UQCC1: variants seen among roughly 807,000 people sequenced by gnomAD.
The protein encoded by UQCC1 is ubiquinol-cytochrome c reductase complex assembly factor 1, also known as bFGF-repressed Zic-binding protein.
In UQCC1, 38 loss-of-function variants were observed where a neutral mutation model predicts 48.0. That is an observed-to-expected ratio of 0.79 (90% CI 0.61 to 1.04). The LOEUF (loss-of-function observed/expected upper bound fraction) is 1.04. Among genes scored for constraint, UQCC1 ranks in the 50% least tolerant of loss-of-function variants. The pLI, the probability that UQCC1 is intolerant of heterozygous loss-of-function variation, is 0.00. For synonymous variants in UQCC1, 111 were observed against 129.2 expected (o/e 0.86, Z 0.95); for missense variants, 368 against 381.8 (o/e 0.96, Z 0.30).
At chr20:35,343,773 G>A (rs1405135887) in intron 7 of UQCC1, among the ~76,000 whole-genome samples, 2 of 152,220 alleles carry the variant, frequency 1.3e-5, no homozygotes, top group Admixed American at 6.5e-5. Context: ...CCCACCCTGC[G>A]TCACTAGCAA....
At chr20:35,342,232 C>T (rs2061388553) in intron 7 of UQCC1, among the ~76,000 whole-genome samples, 1 of 152,180 alleles carries the variant, frequency 6.6e-6, no homozygotes, top group Non-Finnish European at 1.5e-5. Flanking sequence ...CAGCCCACTC[C>T]CATCCCTTCC....
At chr20:35,382,512 CTTTT>C (rs1162371421) in intron 3 of UQCC1, among the ~76,000 whole-genome samples, 1 of 108,280 alleles carries the variant, frequency 9.2e-6, no homozygotes, top group Non-Finnish European at 1.9e-5. Context: ...TTTCTTTTTT[CTTTT>C]TTTTTTTTTT....
chr20:35,405,093 T>C (rs2062231727), intron 1 of UQCC1, among the ~76,000 whole-genome samples: 1 of 152,144 alleles, frequency 6.6e-6, no homozygotes, highest in Non-Finnish European at 1.5e-5. Context: ...GAAGTGAAAG[T>C]TAAGGCAGAG....
At chr20:35,352,768 A>T (rs1219320128) in intron 6 of UQCC1, among the ~76,000 whole-genome samples, 1 of 152,102 alleles carries the variant, frequency 6.6e-6, no homozygotes, top group Admixed American at 6.5e-5. Context: ...CTGTAACCTC[A>T]AACTCTTGGA....
At chr20:35,323,549 C>A (rs1391757551) in intron 7 of UQCC1, among the ~76,000 whole-genome samples, 1 of 152,154 alleles carries the variant, frequency 6.6e-6, no homozygotes, top group Admixed American at 6.5e-5. Flanking sequence ...AGTCAAAAGT[C>A]TTTGTCTTAC....
chr20:35,389,735 T>TA (rs1377238265), intron 2 of UQCC1, among the ~76,000 whole-genome samples: 2 of 152,102 alleles, frequency 1.3e-5, no homozygotes, highest in Non-Finnish European at 2.9e-5. Context: ...ATGATGGAAA[T>TA]AAAAAATCAT....
chr20:35,381,306 G>A (rs572921822), intron 4 of UQCC1, among the ~76,000 whole-genome samples: 1 of 152,278 alleles, frequency 6.6e-6, no homozygotes, highest in Admixed American at 6.5e-5. Flanking sequence ...CCATCAGAAA[G>A]TAATGCTTCC....
At chr20:35,316,977 C>G (rs1002149789) in intron 7 of UQCC1, among the ~76,000 whole-genome samples, 4 of 148,506 alleles carry the variant, frequency 2.7e-5, no homozygotes, top group African/African-American at 1.0e-4. Flanking sequence ...GCTCTCTTGG[C>G]CAGGCTGTAG....
intron 7 of UQCC1, among the ~76,000 whole-genome samples, chr20:35,332,910 AAAC>A (rs1447977309): frequency 1.9e-4 from 29 of 152,188 alleles, no homozygotes; most frequent in African/African-American, 5.1e-4. Flanking sequence ...CAACCTAATA[AAAC>A]AACAACAAGA....
At chr20:35,349,082 C>T (rs891472976) in intron 6 of UQCC1, among the ~76,000 whole-genome samples, 3 of 152,192 alleles carry the variant, frequency 2.0e-5, no homozygotes, top group Non-Finnish European at 4.4e-5. Flanking sequence ...TATATCCATA[C>T]ACAATTGATC....
intron 7 of UQCC1, 170 bp downstream of exon 7, chr20:35,346,994 G>A: frequency 6.5e-7 from 1 of 1,546,234 alleles, no homozygotes; most frequent in Non-Finnish European, 8.7e-7. Context: ...TATCTGTGGA[G>A]TATTAGTTTC....
chr20:35,411,837 C>A, intron 1 of UQCC1, 103 bp downstream of exon 1: 3 of 1,515,458 alleles, frequency 2.0e-6, no homozygotes, highest in Middle Eastern at 1.7e-4. Context: ...AGCTATAACA[C>A]AGGCTTCCCT....
intron 4 of UQCC1, among the ~76,000 whole-genome samples, chr20:35,376,121 A>G (rs2061796366): frequency 6.6e-6 from 1 of 151,992 alleles, no homozygotes; most frequent in Non-Finnish European, 1.5e-5. Flanking sequence ...CAGCCTGGCC[A>G]ACATGGTGAA....
chr20:35,303,946 C>CAAA lies in UQCC1; in HGVS notation c.888_889insTTT (p.Asp296_Glu297insPhe). ...GAGGGCCCAGCCCATCAAAGTCCCT[C>CAAA]GTCGTTGTAAGTCGGAGAATGGGGC... On this transcript the variant is annotated inframe_insertion, in exon 10 of 10. Coordinates refer to ENST00000374385, the MANE Select transcript of UQCC1 (RefSeq NM_018244.5). 6.2e-7 allele frequency: 1 copy of CAAA among 1,614,196 alleles called. No individual in the cohort carries two copies. The highest frequency in any genetic ancestry group is 2.2e-5 in the East Asian group (1 of 44,874).
At chr20:35,350,391 T>A (rs1225838206) in intron 6 of UQCC1, among the ~76,000 whole-genome samples, 2 of 152,134 alleles carry the variant, frequency 1.3e-5, no homozygotes, top group Non-Finnish European at 2.9e-5. Context: ...GGAACTCGGG[T>A]ATCTGACAGA....
At chr20:35,381,281 TTATAAAA>T (rs1478111766) in intron 4 of UQCC1, among the ~76,000 whole-genome samples, 11 of 152,196 alleles carry the variant, frequency 7.2e-5, no homozygotes, top group Non-Finnish European at 1.5e-4. Context: ...AGAAAATCCC[TTATAAAA>T]TATGGGTCCA....
intron 7 of UQCC1, among the ~76,000 whole-genome samples, chr20:35,340,635 C>T (rs994411908): frequency 6.6e-6 from 1 of 152,166 alleles, no homozygotes; most frequent in Admixed American, 6.5e-5. Flanking sequence ...CAGGCATGTG[C>T]CACCATAACC....
intron 6 of UQCC1, among the ~76,000 whole-genome samples, chr20:35,356,242 G>A (rs1455447320): frequency 6.6e-6 from 1 of 152,184 alleles, no homozygotes; most frequent in Non-Finnish European, 1.5e-5. Flanking sequence ...TATTGGAATG[G>A]AAGGATGGAA....
intron 2 of UQCC1, among the ~76,000 whole-genome samples, chr20:35,388,629 T>C (rs1303658106): frequency 6.6e-6 from 1 of 152,172 alleles, no homozygotes; most frequent in Non-Finnish European, 1.5e-5. Context: ...GAAGTAAAGT[T>C]CATTAAAGAC....
Sources: allele counts gnomAD v4.1 joint callset (sites outside exome capture counted in the v4.1 genomes callset), GRCh38; gene constraint gnomAD v4.1.1; transcripts MANE v1.5; gene names NCBI Gene and HGNC (gene_info 2026-07-23, HGNC 2026-07-21).